PAX3: variants seen among roughly 807,000 people sequenced by gnomAD.
The protein encoded by PAX3 is paired box 3, also known as paired box protein Pax-3.
A neutral mutation model predicts 51.6 loss-of-function variants in PAX3; 14 were observed. That is an observed-to-expected ratio of 0.27 (90% CI 0.18 to 0.42). The LOEUF is 0.42. Among genes scored for constraint, PAX3 ranks in the 10% least tolerant of loss-of-function variants. PAX3 has a pLI of 1.00. For synonymous variants in PAX3, 280 were observed against 253.4 expected, an observed-to-expected ratio of 1.11 and a Z score of -1.00; for missense variants, 540 against 642.8, an observed-to-expected ratio of 0.84 and a Z score of 1.73.
intron 7 of PAX3, among the ~76,000 whole-genome samples, chr2:222,218,735 A>C (rs1397096110): frequency 6.6e-6 from 1 of 152,214 alleles, no homozygotes; most frequent in Non-Finnish European, 1.5e-5. Context: ...AAATGTATTA[A>C]AGTCCTGTAG....
intron 7 of PAX3, among the ~76,000 whole-genome samples, chr2:222,213,289 A>G (rs950569755): frequency 6.6e-6 from 1 of 152,184 alleles, no homozygotes; most frequent in African/African-American, 2.4e-5. Flanking sequence ...TCTTAAGTGT[A>G]GCGACCACAG....
chr2:222,233,063 T>C (rs1487077095), intron 4 of PAX3: 2 of 132,482 alleles, frequency 1.5e-5, no homozygotes, highest in African/African-American at 2.9e-5. Flanking sequence ...AGCTGCTTTA[T>C]TTAAGAAAGC....
chr2:222,222,544 C>A (rs1692236432), intron 5 of PAX3, among the ~76,000 whole-genome samples: 1 of 152,048 alleles, frequency 6.6e-6, no homozygotes, highest in South Asian at 2.1e-4. Context: ...GCTATGATTA[C>A]AGGCACCCGC....
intron 5 of PAX3, among the ~76,000 whole-genome samples, chr2:222,225,803 G>A (rs771544000): frequency 6.6e-6 from 1 of 152,192 alleles, no homozygotes; most frequent in Middle Eastern, 3.2e-3. Flanking sequence ...TAAATAGAAA[G>A]TCTCACACTG....
chr2:222,210,523 GA>G (rs1691685091), intron 7 of PAX3, among the ~76,000 whole-genome samples: 1 of 151,956 alleles, frequency 6.6e-6, no homozygotes, highest in Admixed American at 6.6e-5. Flanking sequence ...AATACAAAAA[GA>G]AAAACAACAG....
At chr2:222,256,995 G>C (rs549646830) in intron 4 of PAX3, among the ~76,000 whole-genome samples, 11 of 152,266 alleles carry the variant, frequency 7.2e-5, no homozygotes, top group African/African-American at 2.4e-4. Context: ...TAATCAATAC[G>C]TAGGTAAAAT....
At chr2:222,212,067 A>T (rs1464592781) in intron 7 of PAX3, among the ~76,000 whole-genome samples, 1 of 152,126 alleles carries the variant, frequency 6.6e-6, no homozygotes, top group Non-Finnish European at 1.5e-5. Context: ...ATGTGTTTCA[A>T]CAAGGTATAA....
rs988540845 is a variant in PAX3, at chr2:222,293,594, C to A, written c.586+573G>T. On this transcript the variant is annotated intron_variant, in intron 4 of 8. Transcript: ENST00000392070. Reference sequence around the variant, plus strand: ...ATTCCCAGGCACACACAGGTTAAACCCCCTCACATTTGAAAATCAACTTCA... The same window carrying A: ...ATTCCCAGGCACACACAGGTTAAACACCCTCACATTTGAAAATCAACTTCA... 6 of 1,599,178 alleles carry A rather than the reference C, an allele frequency of 3.8e-6. No homozygotes were observed. The African/African-American group carries it at 8.1e-5, about 21-fold the overall frequency.
chr2:222,220,501 G>T, intron 6 of PAX3, 147 bp from the exon 7 acceptor site: 1 of 755,072 alleles, frequency 1.3e-6, no homozygotes, highest in East Asian at 2.7e-5. Context: ...TTAACCTGCA[G>T]GTGTAGAATC....
chr2:222,204,925 C>T (rs992836820), intron 7 of PAX3, among the ~76,000 whole-genome samples: 9 of 152,200 alleles, frequency 5.9e-5, no homozygotes, highest in African/African-American at 1.2e-4. Context: ...TGCACACTTT[C>T]CCATGAGCTA....
At chr2:222,237,936 C>T (rs1692861421) in intron 4 of PAX3, among the ~76,000 whole-genome samples, 1 of 152,154 alleles carries the variant, frequency 6.6e-6, no homozygotes, top group Non-Finnish European at 1.5e-5. Context: ...GCAGAAACTC[C>T]AGTGTGATCA....
chr2:222,227,611 T>A (rs900124724), intron 5 of PAX3, among the ~76,000 whole-genome samples: 1 of 151,996 alleles, frequency 6.6e-6, no homozygotes, highest in Non-Finnish European at 1.5e-5. Flanking sequence ...CAAAAAATAA[T>A]TAATTAATTA....
chr2:222,254,554 T>G (rs1333139800), intron 4 of PAX3, among the ~76,000 whole-genome samples: 2 of 152,196 alleles, frequency 1.3e-5, no homozygotes. Flanking sequence ...GGATCTGCCC[T>G]AAACTGATGT....
intron 4 of PAX3, among the ~76,000 whole-genome samples, chr2:222,243,192 T>C (rs962018426): frequency 6.6e-6 from 1 of 152,210 alleles, no homozygotes; most frequent in Non-Finnish European, 1.5e-5. Context: ...AGTTAAATAC[T>C]ACACTTTTTG....
Position 222,293,585 on chromosome 2 carries a change from A to G in PAX3, c.586+582T>C, listed in dbSNP as rs141286784. On this transcript the variant is annotated intron_variant, in intron 4 of 8. Transcript: ENST00000392070. ...TTCCTTTCAATTCCCAGGCACACAC[A>G]GGTTAAACCCCCTCACATTTGAAAA... 4.4e-5 allele frequency: 70 copies of G among 1,582,484 alleles called. No individual in the cohort carries two copies. The African/African-American group carries it at 8.8e-4, about 20-fold the overall frequency.
intron 4 of PAX3, among the ~76,000 whole-genome samples, chr2:222,280,012 C>T (rs1241904377): frequency 6.6e-6 from 1 of 152,058 alleles, no homozygotes; most frequent in African/African-American, 2.4e-5. Flanking sequence ...GGAGTTTGAG[C>T]CCAGCCTGGC....
intron 7 of PAX3, among the ~76,000 whole-genome samples, chr2:222,216,963 T>C (rs1057116615): frequency 6.6e-6 from 1 of 152,180 alleles, no homozygotes; most frequent in Admixed American, 6.5e-5. Context: ...CTGATCACAG[T>C]GACTCAAAAA....
intron 4 of PAX3, among the ~76,000 whole-genome samples, chr2:222,271,997 C>G (rs1187537847): frequency 6.6e-6 from 1 of 152,188 alleles, no homozygotes; most frequent in African/African-American, 2.4e-5. Context: ...CTGGACCTCT[C>G]TCCTGAAGGT....
Position 222,200,969 on chromosome 2 carries a change from C to A in PAX3, c.*439G>T. ...CAGCATCGAACATCGACATGTTATA[C>A]TTTAGGGTATTCTATTATATTTTAG... On this transcript the variant is annotated 3_prime_UTR_variant, in exon 9 of 9. Transcript: ENST00000392070. The A allele has an allele frequency of 1.6e-6, 1 of 608,142 alleles. No homozygotes were observed. Among genetic ancestry groups the A allele is most frequent in the Non-Finnish European group, 2.9e-6 (1 of 341,730 alleles). The allele number at this position is 608,142 out of a possible 1,614,324, so 37.7% of individuals were successfully genotyped here.
Sources: allele counts gnomAD v4.1 joint callset (sites outside exome capture counted in the v4.1 genomes callset), GRCh38; gene constraint gnomAD v4.1.1; transcripts MANE v1.5; gene names NCBI Gene and HGNC (gene_info 2026-07-23, HGNC 2026-07-21).